The following JMY variants were observed in gnomAD, a reference collection of about 807,000 sequenced individuals.
JMY encodes the protein junction-mediating and -regulatory protein.
In JMY, 46 loss-of-function variants were observed where a neutral mutation model predicts 103.3. The ratio of observed to expected loss-of-function variants is 0.45; its 90% CI spans 0.35 to 0.57. The LOEUF (loss-of-function observed/expected upper bound fraction) is 0.57. JMY is among the 20% of genes least tolerant of loss of function. JMY has a pLI of 0.00. For synonymous variants in JMY, 526 were observed against 489.3 expected, an observed-to-expected ratio of 1.07 and a Z score of -0.99; for missense variants, 1,238 against 1,255.2, an observed-to-expected ratio of 0.99 and a Z score of 0.21.
chr5:79,281,349 A>G (rs951658974), intron 2 of JMY, among the ~76,000 whole-genome samples: 3 of 124,566 alleles, frequency 2.4e-5, no homozygotes, highest in Non-Finnish European at 5.1e-5. Context: ...CAGCCAAGAA[A>G]TTAATTTTTT....
At chr5:79,266,909 A>G (rs1414492452) in intron 1 of JMY, among the ~76,000 whole-genome samples, 1 of 152,202 alleles carries the variant, frequency 6.6e-6, no homozygotes, top group East Asian at 1.9e-4. Flanking sequence ...TTATGGCTTT[A>G]TTTTGAATGA....
At chr5:79,283,800 C>G (rs1404827641) in intron 2 of JMY, among the ~76,000 whole-genome samples, 1 of 152,186 alleles carries the variant, frequency 6.6e-6, no homozygotes, top group South Asian at 2.1e-4. Flanking sequence ...TTGAGAACCA[C>G]TAGCCTAATA....
intron 2 of JMY, chr5:79,284,927 T>G: frequency 6.6e-7 from 1 of 1,524,352 alleles, no homozygotes; most frequent in Non-Finnish European, 9.0e-7. Context: ...ATGGTGCTGG[T>G]CAGAGAGCCA....
intron 2 of JMY, chr5:79,284,078 TTA>T: frequency 8.8e-7 from 1 of 1,137,932 alleles, no homozygotes; most frequent in Non-Finnish European, 1.2e-6. Flanking sequence ...TATTTTATTT[TTA>T]TTTTTTTTCA....
At chr5:79,281,544 A>G (rs972424299) in intron 2 of JMY, among the ~76,000 whole-genome samples, 11 of 152,102 alleles carry the variant, frequency 7.2e-5, no homozygotes, top group African/African-American at 2.4e-4. Context: ...TGACTGAAAC[A>G]TCATTACGCA....
At position 79,261,150 on chromosome 5, in the gene JMY, A is replaced by C. The variant is rs186947543; in HGVS notation, c.1033-16760A>C. ...TTTGGTTCCTAAATAAGATGGCTACAAGATGAAAAGCTACATGCTTCCGCC... is the reference window on the plus strand; with the variant it reads ...TTTGGTTCCTAAATAAGATGGCTACCAGATGAAAAGCTACATGCTTCCGCC... On this transcript the variant is annotated intron_variant, in intron 1 of 10. Transcript: ENST00000396137. Among the ~76,000 whole-genome samples, 819 of 152,300 alleles carry C rather than the reference A, an allele frequency of 5.4e-3. 3 individuals carry two copies. Among genetic ancestry groups the C allele is most frequent in the Non-Finnish European group, 8.3e-3 (565 of 68,032 alleles).
At chr5:79,257,045 TTTATTA>T (rs1160321800) in intron 1 of JMY, among the ~76,000 whole-genome samples, 1 of 151,634 alleles carries the variant, frequency 6.6e-6, no homozygotes, top group African/African-American at 2.4e-5. Context: ...CATTCCTTAT[TTTATTA>T]TTATTATTAT....
At chr5:79,307,837 C>T (rs1388698224) in intron 7 of JMY, among the ~76,000 whole-genome samples, 1 of 152,120 alleles carries the variant, frequency 6.6e-6, no homozygotes, top group African/African-American at 2.4e-5. Context: ...CTCCTGGGTT[C>T]AAGCAATTCT....
At position 79,323,288 on chromosome 5, in the gene JMY, C is replaced by T. The variant is rs1030927777; in HGVS notation, c.*1686C>T. ...TTTATTTATTTAAATGTTAGTAATA[C>T]GTTTATTGATGAGACTAGGAGCTTC... On this transcript the variant is annotated 3_prime_UTR_variant, in exon 11 of 11. Coordinates refer to ENST00000396137, the MANE Select transcript of JMY (RefSeq NM_152405.5). 2 of 152,248 alleles carry T rather than the reference C, an allele frequency of 1.3e-5. No individual in the cohort carries two copies. The highest frequency in any genetic ancestry group is 1.9e-4 in the East Asian group (1 of 5,186). 9.4% of individuals were successfully genotyped at this position (152,248 alleles called of 1,614,324 possible).
chr5:79,288,789 C>T (rs1223468628), intron 2 of JMY, among the ~76,000 whole-genome samples: 5 of 151,688 alleles, frequency 3.3e-5, no homozygotes, highest in South Asian at 2.1e-4. Flanking sequence ...GCTGGTCTCC[C>T]AACTCCTGGT....
chr5:79,237,401 C>T lies in JMY; in HGVS notation c.751C>T (p.Gln251Ter). 1.2e-6 allele frequency: 2 copies of T among 1,613,536 alleles called. No homozygotes were observed. The highest frequency in any genetic ancestry group is 1.1e-5 in the South Asian group (1 of 91,082). ...VHQQLCSVNS[Q>*]LEPCLPVFPE... ...CCAGCAGCTGTGCTCGGTGAACTCG[C>T]AGTTGGAGCCGTGCCTGCCGGTGTT... The change falls in exon 1 of 11, where the codon CAG (glutamine) becomes TAG (stop). Residue 251 changes from glutamine to a stop codon, truncating the protein, a stop_gained. Coordinates refer to ENST00000396137, the MANE Select transcript of JMY (RefSeq NM_152405.5). LOFTEE classifies it high-confidence loss of function.
intron 1 of JMY, among the ~76,000 whole-genome samples, chr5:79,238,806 C>T (rs1744644600): frequency 6.6e-6 from 1 of 152,030 alleles, no homozygotes. Flanking sequence ...CGCCACCACG[C>T]CCGGCTAACA....
In JMY at chr5:79,299,625, A is replaced by C. The variant is rs538153486; in HGVS notation, c.1528-528A>C. 1.4e-3 allele frequency among the ~76,000 whole-genome samples: 207 copies of C among 152,316 alleles called. 1 individual carries two copies. The highest frequency in any genetic ancestry group is 2.5e-3 in the Non-Finnish European group (168 of 68,024). ...TTACGGATTGCAAGGATTTCCATCTAAAGCAATTGTCTTCTGCTGTTCCAG... is the reference window on the plus strand; with the variant it reads ...TTACGGATTGCAAGGATTTCCATCTCAAGCAATTGTCTTCTGCTGTTCCAG... On this transcript the variant is annotated intron_variant, in intron 4 of 10. Transcript: ENST00000396137.
intron 2 of JMY, among the ~76,000 whole-genome samples, chr5:79,283,770 A>G (rs971054063): frequency 2.0e-4 from 31 of 152,228 alleles, no homozygotes; most frequent in African/African-American, 7.5e-4. Context: ...TTTCCAGGTG[A>G]TTATGATACA....
chr5:79,290,542 C>A (rs1375497434), intron 3 of JMY, among the ~76,000 whole-genome samples: 2 of 152,010 alleles, frequency 1.3e-5, no homozygotes, highest in African/African-American at 4.8e-5. Context: ...AGAATTAATG[C>A]TTTCCTGGAA....
chr5:79,268,109 G>A (rs1745635972), intron 1 of JMY, among the ~76,000 whole-genome samples: 1 of 152,120 alleles, frequency 6.6e-6, no homozygotes, highest in South Asian at 2.1e-4. Flanking sequence ...TGGGTGTGGT[G>A]GTGCGCACCT....
chr5:79,258,095 A>T (rs1745301902), intron 1 of JMY, among the ~76,000 whole-genome samples: 1 of 151,968 alleles, frequency 6.6e-6, no homozygotes, highest in Non-Finnish European at 1.5e-5. Context: ...GTATGTACAG[A>T]GTGTGTATGT....
intron 2 of JMY, chr5:79,284,978 A>G: frequency 1.8e-6 from 2 of 1,093,130 alleles, no homozygotes; most frequent in South Asian, 2.7e-5. Context: ...TGAAGTTGAA[A>G]CTAGACGAAC....
intron 1 of JMY, among the ~76,000 whole-genome samples, chr5:79,251,235 A>C (rs1745074966): frequency 6.6e-6 from 1 of 152,048 alleles, no homozygotes; most frequent in Admixed American, 6.6e-5. Context: ...TTATAAATAT[A>C]TTTTATTATA....
Sources: allele counts gnomAD v4.1 joint callset (sites outside exome capture counted in the v4.1 genomes callset), GRCh38; gene constraint gnomAD v4.1.1; transcripts MANE v1.5; gene names NCBI Gene and HGNC (gene_info 2026-07-23, HGNC 2026-07-21).